The following MAST2 variants were observed in gnomAD, a reference collection of about 807,000 sequenced individuals.
MAST2 encodes microtubule associated serine/threonine kinase 2.
In MAST2, 70 loss-of-function variants were observed where a neutral mutation model predicts 147.4. That is an observed-to-expected ratio of 0.47 (90% CI 0.39 to 0.58). The LOEUF (loss-of-function observed/expected upper bound fraction) is 0.58. MAST2 is among the 20% of genes least tolerant of loss of function. The pLI is 0.00. For missense variants in MAST2, 2,080 were observed against 2,302.3 expected (o/e 0.90, Z 1.98); for synonymous variants, 869 against 896.8 (o/e 0.97, Z 0.55).
intron 3 of MAST2, among the ~76,000 whole-genome samples, chr1:45,845,476 A>G (rs1645402195): frequency 6.6e-6 from 1 of 152,196 alleles, no homozygotes; most frequent in Non-Finnish European, 1.5e-5. Flanking sequence ...ATTTTCTTGA[A>G]GAGACTCAAA....
At chr1:45,874,893 C>T (rs767131425) in intron 3 of MAST2, among the ~76,000 whole-genome samples, 18 of 152,184 alleles carry the variant, frequency 1.2e-4, no homozygotes, top group Middle Eastern at 3.4e-3. Context: ...CCAGAGGAAA[C>T]GAAGTTTAAG....
In MAST2 at chr1:46,008,326, T is replaced by A; in HGVS notation, c.933T>A (p.Ser311Arg). ...SPGRSPVSFD[S>R]EIIMMNHVYK... ...GACGATCCCCAGTATCCTTTGACAG[T>A]GAAATAATAATGATGAATCATGTTT... The change falls in exon 9 of 29, where the codon AGT becomes AGA. Residue 311 changes from serine to arginine, a missense_variant. This residue lies in a region of MAST2 where 569 missense variants were observed against 642.5 expected (regional missense o/e 0.89). Transcript: ENST00000361297. 1 of 1,612,396 alleles carries A rather than the reference T, an allele frequency of 6.2e-7. No individual in the cohort carries two copies. The highest frequency in any genetic ancestry group is 8.5e-7 in the Non-Finnish European group (1 of 1,178,526).
rs764874928 is a variant in MAST2, at chr1:46,030,620, T to TGGAGCGGCTCTCACTGCTCGA, written c.2574_2594dup (p.Leu859_Arg865dup). 1.2e-6 allele frequency: 2 copies of TGGAGCGGCTCTCACTGCTCGA among 1,609,958 alleles called. No homozygotes were observed. The highest frequency in any genetic ancestry group is 2.7e-5 in the African/African-American group (2 of 74,752). ...CTGTGCCCACAGGTGTACAGCAGCA[T>TGGAGCGGCTCTCACTGCTCGA]GGAGCGGCTCTCACTGCTCGAGGAG... On this transcript the variant is annotated inframe_insertion, in exon 22 of 29. Transcript: ENST00000361297.
chr1:46,028,274 C>A (rs1646499655), intron 17 of MAST2, among the ~76,000 whole-genome samples: 1 of 152,228 alleles, frequency 6.6e-6, no homozygotes, highest in South Asian at 2.1e-4. Context: ...CATATGAGAT[C>A]AGTCCTGAAT....
In MAST2 at chr1:46,035,876, A is replaced by G; in HGVS notation, c.5207A>G (p.Lys1736Arg). The G allele has an allele frequency of 6.2e-7, 1 of 1,614,062 alleles. No individual in the cohort carries two copies. The highest frequency in any genetic ancestry group is 1.1e-5 in the South Asian group (1 of 91,076). The part of the protein sequence containing the change: ...LWESECAQAV[K>R]EDPALSITQV... ...GAGTCTGAGTGTGCACAAGCAGTGA[A>G]AGAGGATCCAGCCCTGAGCATCACC... Residue 1736 changes from lysine to arginine, a missense_variant, in exon 29 of 29, where the codon AAA becomes AGA. Physicochemically the swap from Lys to Arg is conservative, Grantham distance 26. Around this residue, in one of 4 missense-constraint regions of MAST2, gnomAD observed 1,278 missense variants for 1,304.2 expected, o/e 0.98. Transcript: ENST00000361297. The surrounding 1 kb of genome is among the most constrained non-coding windows in gnomAD (Gnocchi z 5.5).
chr1:45,851,383 T>G (rs1006044485), intron 3 of MAST2, among the ~76,000 whole-genome samples: 2 of 152,074 alleles, frequency 1.3e-5, no homozygotes, highest in African/African-American at 4.8e-5. Context: ...GTCTTTAGGG[T>G]TTTCCAGGTA....
chr1:45,986,491 G>A (rs1000490745), intron 5 of MAST2, among the ~76,000 whole-genome samples: 3 of 152,064 alleles, frequency 2.0e-5, no homozygotes, highest in East Asian at 1.9e-4. Context: ...CGAGGCGGGC[G>A]GATCACGAGG....
At chr1:45,958,701 A>G (rs1379853570) in intron 4 of MAST2, among the ~76,000 whole-genome samples, 1 of 152,184 alleles carries the variant, frequency 6.6e-6, no homozygotes, top group Non-Finnish European at 1.5e-5. Flanking sequence ...TGTTCAATAA[A>G]TATTTGGATG....
intron 3 of MAST2, among the ~76,000 whole-genome samples, chr1:45,863,239 C>CCAG (rs1646037632): frequency 6.6e-6 from 1 of 152,306 alleles, no homozygotes; most frequent in East Asian, 1.9e-4. Flanking sequence ...TCTGCTGATA[C>CCAG]ATATGTTTTA....
chr1:45,883,274 C>T (rs1003273126), intron 4 of MAST2, among the ~76,000 whole-genome samples: 1 of 152,138 alleles, frequency 6.6e-6, no homozygotes, highest in South Asian at 2.1e-4. Context: ...ACATCATATG[C>T]AATTTTTAAA....
At chr1:45,926,855 C>T (rs528581591) in intron 4 of MAST2, among the ~76,000 whole-genome samples, 6 of 152,134 alleles carry the variant, frequency 3.9e-5, no homozygotes, top group African/African-American at 1.2e-4. Context: ...GACCCTGGCT[C>T]CAGGTGACCC....
intron 4 of MAST2, chr1:45,913,837 A>G: frequency 8.1e-7 from 1 of 1,229,708 alleles, no homozygotes; most frequent in Non-Finnish European, 1.0e-6. Flanking sequence ...AGAATGATGA[A>G]ACGGAGGCAA....
intron 11 of MAST2, among the ~76,000 whole-genome samples, chr1:46,021,456 A>G (rs149283446): frequency 5.6e-4 from 86 of 152,366 alleles, no homozygotes; most frequent in African/African-American, 1.9e-3. Flanking sequence ...GTAGGCACTC[A>G]GTTATTATGT....
In MAST2 at chr1:46,029,472, T is replaced by C. The variant is rs1301227156; in HGVS notation, c.2225T>C (p.Ile742Thr). ...ELFGQVISDE[I>T]VWPEGDEALP... ...TCACCCCTGATGACTTCAGATGAGATTGTGTGGCCTGAGGGTGATGAGGCA... is the reference window on the plus strand; with the variant it reads ...TCACCCCTGATGACTTCAGATGAGACTGTGTGGCCTGAGGGTGATGAGGCA... The change falls in exon 19 of 29, where the codon ATT (isoleucine) becomes ACT (threonine). Residue 742 changes from isoleucine (I) to threonine (T), a missense_variant. Transcript: ENST00000361297. 1.2e-6 allele frequency: 2 copies of C among 1,613,630 alleles called. No homozygotes were observed. The highest frequency in any genetic ancestry group is 1.7e-6 in the Non-Finnish European group (2 of 1,179,688).
intron 3 of MAST2, among the ~76,000 whole-genome samples, chr1:45,852,252 A>G (rs10890356): frequency 0.8 from 121,235 of 152,168 alleles, 48,779 homozygotes; most frequent in East Asian, 0.98. Context: ...ACAGAACCGT[A>G]CTGTCATTAC....
chr1:45,846,267 T>C (rs1427957765), intron 3 of MAST2, among the ~76,000 whole-genome samples: 3 of 152,186 alleles, frequency 2.0e-5, no homozygotes, highest in Admixed American at 6.5e-5. Flanking sequence ...TAATTTGATA[T>C]TATTACTGAA....
chr1:45,862,222 G>T (rs926792333), intron 3 of MAST2, among the ~76,000 whole-genome samples: 8 of 152,176 alleles, frequency 5.3e-5, no homozygotes, highest in Admixed American at 2.6e-4. Context: ...GAAAAAAGTT[G>T]TGAATCATTC....
At chr1:46,009,165 C>T (rs1355740956) in intron 9 of MAST2, among the ~76,000 whole-genome samples, 2 of 152,198 alleles carry the variant, frequency 1.3e-5, no homozygotes, top group Non-Finnish European at 2.9e-5. Flanking sequence ...GACAATTCTC[C>T]TGCCTCAGCC....
chr1:45,894,374 C>T lies in MAST2; in HGVS notation c.500+11979C>T, dbSNP rs1245245329. 7.9e-5 allele frequency among the ~76,000 whole-genome samples: 12 copies of T among 152,050 alleles called. No homozygotes were observed. In the South Asian group the frequency reaches 1.7e-3, roughly 21 times the overall value. On this transcript the variant is annotated intron_variant, in intron 4 of 28. Transcript: ENST00000361297. ...AATAATACCTGGTTACTTATTTAAC[C>T]GAAGTGACGGTAAAACATTTATAAA...
Sources: gnomAD v4.1 joint callset for allele counts (sites outside exome capture counted in the v4.1 genomes callset) on GRCh38, gnomAD v4.1.1 for gene constraint, gnomAD v4.1.1 regional missense constraint, Gnocchi (gnomAD v3.1) non-coding constraint, MANE v1.5 for transcripts, NCBI Gene and HGNC (gene_info 2026-07-23, HGNC 2026-07-21) for gene names.